LRRC4C: variants seen among roughly 807,000 people sequenced by gnomAD.
The protein encoded by LRRC4C is leucine-rich repeat-containing protein 4C.
A neutral mutation model predicts 33.6 loss-of-function variants in LRRC4C; 5 were observed. The observed-to-expected ratio is 0.15, with a 90% CI of 0.08 to 0.31. The LOEUF is 0.31. Among genes scored for constraint, LRRC4C ranks in the 10% least tolerant of loss-of-function variants. LRRC4C has a pLI of 1.00. For missense variants in LRRC4C, 560 were observed against 796.7 expected, an observed-to-expected ratio of 0.70 and a Z score of 3.58; for synonymous variants, 329 against 302.0, an observed-to-expected ratio of 1.09 and a Z score of -0.93.
At chr11:41,202,821 T>C (rs1258634290) in intron 1 of LRRC4C, among the ~76,000 whole-genome samples, 2 of 151,956 alleles carry the variant, frequency 1.3e-5, no homozygotes, top group African/African-American at 4.8e-5. Context: ...AGTCTCGCTC[T>C]TTCACCCAGG....
intron 5 of LRRC4C, among the ~76,000 whole-genome samples, chr11:40,148,473 A>G (rs1016828812): frequency 2.0e-5 from 3 of 152,098 alleles, no homozygotes; most frequent in Non-Finnish European, 4.4e-5. Flanking sequence ...GGCCACATGT[A>G]TGTCTTTTTT....
chr11:40,354,291 G>GA (rs1169379931), intron 3 of LRRC4C, among the ~76,000 whole-genome samples: 4 of 152,156 alleles, frequency 2.6e-5, no homozygotes, highest in Admixed American at 1.3e-4. Flanking sequence ...TACCACCACT[G>GA]AGACTGCACT....
At chr11:41,049,802 A>T (rs955625412) in intron 1 of LRRC4C, among the ~76,000 whole-genome samples, 9 of 152,202 alleles carry the variant, frequency 5.9e-5, no homozygotes, top group African/African-American at 2.2e-4. Flanking sequence ...GTGATCTGGC[A>T]TGTTGGCTTA....
chr11:41,176,165 G>T (rs1590842913), intron 1 of LRRC4C, among the ~76,000 whole-genome samples: 1 of 152,072 alleles, frequency 6.6e-6, no homozygotes, highest in East Asian at 1.9e-4. Context: ...CACAAAGTAA[G>T]CATTAATTAA....
chr11:41,057,702 C>T (rs988218087), intron 1 of LRRC4C, among the ~76,000 whole-genome samples: 4 of 152,164 alleles, frequency 2.6e-5, no homozygotes, highest in African/African-American at 9.7e-5. Context: ...CTCCTCTCTG[C>T]TGACAGTTGC....
At chr11:40,461,295 C>A (rs1197886470) in intron 3 of LRRC4C, among the ~76,000 whole-genome samples, 1 of 152,100 alleles carries the variant, frequency 6.6e-6, no homozygotes, top group African/African-American at 2.4e-5. Context: ...GATTGACTGA[C>A]TTTTCCATAA....
chr11:41,312,561 C>G (rs756507266), intron 1 of LRRC4C, among the ~76,000 whole-genome samples: 7 of 152,120 alleles, frequency 4.6e-5, no homozygotes, highest in Non-Finnish European at 8.8e-5. Context: ...GAGATTAGTG[C>G]ACAGCATATA....
At chr11:40,387,652 G>T (rs1189137342) in intron 3 of LRRC4C, among the ~76,000 whole-genome samples, 1 of 152,128 alleles carries the variant, frequency 6.6e-6, no homozygotes, top group Non-Finnish European at 1.5e-5. Context: ...ACACTTTCCT[G>T]AGGGATCTGA....
intron 1 of LRRC4C, among the ~76,000 whole-genome samples, chr11:41,232,345 G>T (rs956975705): frequency 6.6e-6 from 1 of 152,030 alleles, no homozygotes; most frequent in African/African-American, 2.4e-5. Context: ...GAGCTGTACT[G>T]TGTATTACTG....
At chr11:40,130,999 C>T (rs1013777555) in intron 6 of LRRC4C, among the ~76,000 whole-genome samples, 2 of 152,070 alleles carry the variant, frequency 1.3e-5, no homozygotes, top group Admixed American at 1.3e-4. Context: ...TCCGTAAAGC[C>T]AAGACTATAA....
chr11:40,799,295 T>A (rs1950951023), intron 2 of LRRC4C, among the ~76,000 whole-genome samples: 1 of 152,152 alleles, frequency 6.6e-6, no homozygotes, highest in Admixed American at 6.5e-5. Flanking sequence ...TATGTGGATA[T>A]AAATGTATCA....
intron 2 of LRRC4C, among the ~76,000 whole-genome samples, chr11:40,822,579 C>T (rs957162720): frequency 7.9e-5 from 12 of 151,366 alleles, no homozygotes; most frequent in Non-Finnish European, 1.3e-4. Context: ...TTATTAATTC[C>T]GTGTCAGTTG....
chr11:40,780,664 A>G (rs553520355), intron 2 of LRRC4C, among the ~76,000 whole-genome samples: 2 of 152,308 alleles, frequency 1.3e-5, no homozygotes, highest in South Asian at 4.1e-4. Context: ...ACATCATTAT[A>G]ACAAATGGCA....
intron 1 of LRRC4C, among the ~76,000 whole-genome samples, chr11:41,300,733 T>C (rs561845239): frequency 7.9e-5 from 12 of 152,288 alleles, no homozygotes; most frequent in African/African-American, 2.9e-4. Context: ...AACTTAACTA[T>C]GTCCATTAGT....
intron 1 of LRRC4C, among the ~76,000 whole-genome samples, chr11:41,148,568 A>G (rs950178497): frequency 6.6e-6 from 1 of 152,104 alleles, no homozygotes. Flanking sequence ...GCAAAGGTGA[A>G]GACAGAAATT....
intron 3 of LRRC4C, among the ~76,000 whole-genome samples, chr11:40,481,024 T>G (rs1953532130): frequency 1.3e-5 from 2 of 151,534 alleles, no homozygotes; most frequent in South Asian, 4.2e-4. Context: ...GTGTCTATAG[T>G]TAATAACACT....
rs113998820 is a variant in LRRC4C at position 41,224,892 on chromosome 11, A to G, written c.-496+234539T>C. Among the ~76,000 whole-genome samples, 1,212 of 152,292 alleles carry G rather than the reference A, an allele frequency of 8.0e-3. 24 individuals carry two copies. Among genetic ancestry groups the G allele is most frequent in the African/African-American group, 0.028 (1,170 of 41,546 alleles). ...AAGCACCCTAAGTGTCCATCAACAGATGAATAGATAAAGAAAATGTGGTAC... is the reference window on the plus strand; with the variant it reads ...AAGCACCCTAAGTGTCCATCAACAGGTGAATAGATAAAGAAAATGTGGTAC... On this transcript the variant is annotated intron_variant, in intron 1 of 6. Coordinates refer to ENST00000528697, the MANE Select transcript of LRRC4C (RefSeq NM_001258419.2).
At chr11:40,706,545 C>T (rs1946176692) in intron 2 of LRRC4C, among the ~76,000 whole-genome samples, 3 of 152,056 alleles carry the variant, frequency 2.0e-5, no homozygotes, top group Admixed American at 2.0e-4. Context: ...TTTCTGAGGC[C>T]TCTGTTCTGT....
At chr11:40,324,007 C>T (rs1256659130) in intron 3 of LRRC4C, among the ~76,000 whole-genome samples, 2 of 152,130 alleles carry the variant, frequency 1.3e-5, no homozygotes, top group Non-Finnish European at 2.9e-5. Flanking sequence ...GAGCCTGACA[C>T]CTTCCCTTCA....
Sources: allele counts gnomAD v4.1 joint callset (sites outside exome capture counted in the v4.1 genomes callset), GRCh38; gene constraint gnomAD v4.1.1; transcripts MANE v1.5; gene names NCBI Gene and HGNC (gene_info 2026-07-23, HGNC 2026-07-21).